The following TEX14 variants were observed in gnomAD, a reference collection of about 807,000 sequenced individuals.
The protein encoded by TEX14 is testis expressed 14, intercellular bridge forming factor.
A neutral mutation model predicts 178.6 loss-of-function variants in TEX14; 168 were observed. The observed-to-expected ratio is 0.94, with a 90% CI of 0.83 to 1.07. TEX14 has a LOEUF of 1.07. Ranked by LOEUF, TEX14 falls within the 50% of genes least tolerant of loss-of-function variation. TEX14 has a pLI of 0.00. For missense variants in TEX14, 1,730 were observed against 1,753.6 expected, an observed-to-expected ratio of 0.99 and a Z score of 0.24; for synonymous variants, 626 against 634.1, an observed-to-expected ratio of 0.99 and a Z score of 0.19.
chr17:58,568,405 T>C (rs1370804957), intron 26 of TEX14, among the ~76,000 whole-genome samples: 1 of 152,212 alleles, frequency 6.6e-6, no homozygotes, highest in African/African-American at 2.4e-5. Flanking sequence ...ACCTCCTCCT[T>C]TATGAAACCC....
In TEX14 at chr17:58,599,290, C is replaced by T. The variant is rs756079758; in HGVS notation, c.2055G>A (p.Glu685=). Reference sequence around the variant, plus strand: ...CCCAGTCATCAAAAGAGTACTCTGTCTCAGCTTTTGAAGAGCTCTCATCCT... The same window carrying T: ...CCCAGTCATCAAAAGAGTACTCTGTTTCAGCTTTTGAAGAGCTCTCATCCT... ...GSEDESSSKA[E]TEYSFDDWDW... Residue 685 remains glutamate (E), a synonymous_variant, in exon 14 of 32, where the codon GAG becomes GAA. Transcript: ENST00000349033. 1.1e-5 allele frequency: 17 copies of T among 1,613,290 alleles called. No individual in the cohort carries two copies. The highest frequency in any genetic ancestry group is 1.4e-5 in the Non-Finnish European group (17 of 1,180,036).
At chr17:58,579,902 A>C (rs991283545) in intron 19 of TEX14, among the ~76,000 whole-genome samples, 171 bp from the exon 20 acceptor site, 16 of 152,194 alleles carry the variant, frequency 1.1e-4, no homozygotes, top group African/African-American at 3.9e-4. Flanking sequence ...TATTTGTATC[A>C]TATGTCCTCT....
chr17:58,672,762 C>T (rs1176648377), intron 1 of TEX14, among the ~76,000 whole-genome samples: 2 of 151,288 alleles, frequency 1.3e-5, no homozygotes, highest in Non-Finnish European at 2.9e-5. Context: ...GATGGAGTCT[C>T]GCTCTGTCAC....
At chr17:58,566,578 C>G (rs1036999483) in intron 26 of TEX14, among the ~76,000 whole-genome samples, 2 of 151,864 alleles carry the variant, frequency 1.3e-5, no homozygotes, top group Admixed American at 6.6e-5. Context: ...GCAGGGGGAT[C>G]ACTTGAGGTC....
At chr17:58,678,215 G>A (rs1370147512) in intron 1 of TEX14, among the ~76,000 whole-genome samples, 1 of 152,144 alleles carries the variant, frequency 6.6e-6, no homozygotes, top group Admixed American at 6.5e-5. Flanking sequence ...ATCCAGATGG[G>A]CCTAATGTAA....
At chr17:58,613,396 A>G in intron 9 of TEX14, 25 bp downstream of exon 9, 1 of 1,613,404 alleles carries the variant, frequency 6.2e-7, no homozygotes, top group South Asian at 1.1e-5. Flanking sequence ...TCAGCAATGG[A>G]AAATCCACGG....
At position 58,571,771 on chromosome 17, in the gene TEX14, T is replaced by A. The variant is rs757363293; in HGVS notation, c.3717+150A>T. 3 of 644,330 alleles carry A rather than the reference T, an allele frequency of 4.7e-6. No homozygotes were observed. The East Asian group carries it at 8.1e-5, about 17-fold the overall frequency. 39.9% of individuals were successfully genotyped at this position (644,330 alleles called of 1,614,324 possible). A position where few individuals can be genotyped will look rare whatever the true frequency, so the allele number is the denominator to read the frequency against. Reference sequence around the variant, plus strand: ...AGCAAAACTTAAGCCTCCCATAATATAGACTCAAGAGAGGAGTCCCAGGCA... The same window carrying A: ...AGCAAAACTTAAGCCTCCCATAATAAAGACTCAAGAGAGGAGTCCCAGGCA... On this transcript the variant is annotated intron_variant, in intron 24 of 31. Transcript: ENST00000349033.
chr17:58,612,126 C>T lies in TEX14; in HGVS notation c.1006-787G>A, dbSNP rs2045759846. On this transcript the variant is annotated intron_variant, in intron 9 of 31. Transcript: ENST00000349033. ...CAAGCCAGGAAAGATGTCTCCCAAC[C>T]CCAAGGAAATTTGAGAGGTGAGAGG... is the stretch of plus-strand genomic sequence containing the variant. Among the ~76,000 whole-genome samples the T allele has an allele frequency of 2.0e-5, 3 of 152,178 alleles. No individual in the cohort carries two copies. In the South Asian group the frequency reaches 6.2e-4, roughly 32 times the overall value.
chr17:58,615,121 T>C (rs2045841642), intron 8 of TEX14, 111 bp downstream of exon 8: 1 of 644,310 alleles, frequency 1.6e-6, no homozygotes, highest in Admixed American at 2.7e-5. Context: ...CAGGAAATGC[T>C]GAGACTGAGA....
intron 2 of TEX14, among the ~76,000 whole-genome samples, chr17:58,632,679 A>G (rs1361408190): frequency 6.6e-6 from 1 of 152,214 alleles, no homozygotes; most frequent in Non-Finnish European, 1.5e-5. Context: ...CAGCTCACGC[A>G]CCTAGGTCAC....
chr17:58,623,825 G>C (rs2046065405), intron 3 of TEX14, among the ~76,000 whole-genome samples: 1 of 150,924 alleles, frequency 6.6e-6, no homozygotes, highest in African/African-American at 2.4e-5. Flanking sequence ...GGGAAGGGGA[G>C]GGGGAGGCAG....
chr17:58,560,756 A>G (rs2044257120), intron 29 of TEX14, among the ~76,000 whole-genome samples: 1 of 152,182 alleles, frequency 6.6e-6, no homozygotes, highest in Non-Finnish European at 1.5e-5. Flanking sequence ...GTGTTTGTTA[A>G]TATCCCTTTT....
At chr17:58,668,500 G>C (rs1312334798) in intron 1 of TEX14, among the ~76,000 whole-genome samples, 1 of 152,152 alleles carries the variant, frequency 6.6e-6, no homozygotes, top group African/African-American at 2.4e-5. Flanking sequence ...CCCACTGAAG[G>C]CTCAGGGTGC....
chr17:58,662,412 A>ATC lies in TEX14; in HGVS notation c.-1-10412_-1-10411dup, dbSNP rs200856008. On this transcript the variant is annotated intron_variant, in intron 1 of 31. Transcript: ENST00000349033. ...GTGTGTACAGATATATAGCACACATATCTCACACACACACACACACACACA... is the reference window on the plus strand; with the variant it reads ...GTGTGTACAGATATATAGCACACATATCTCTCACACACACACACACACACACA... Among the ~76,000 whole-genome samples the ATC allele has an allele frequency of 7.2e-3, 698 of 96,898 alleles. 7 individuals carry two copies. Among genetic ancestry groups the ATC allele is most frequent in the African/African-American group, 0.022 (651 of 29,440 alleles). 63.6% of individuals were successfully genotyped at this position (96,898 alleles called of 152,430 possible). A position where few individuals can be genotyped will look rare whatever the true frequency, so the allele number is the denominator to read the frequency against.
At chr17:58,664,420 G>T (rs2047172439) in intron 1 of TEX14, among the ~76,000 whole-genome samples, 1 of 152,068 alleles carries the variant, frequency 6.6e-6, no homozygotes, top group Non-Finnish European at 1.5e-5. Context: ...TCATATTCTT[G>T]AATTTCTTTG....
chr17:58,588,157 A>G, intron 15 of TEX14, 136 bp from the exon 16 acceptor site: 2 of 614,200 alleles, frequency 3.3e-6, no homozygotes, highest in Middle Eastern at 4.3e-4. Context: ...GCAGTTTCAC[A>G]AGACACAATC....
chr17:58,666,057 A>T (rs2143419327), intron 1 of TEX14, among the ~76,000 whole-genome samples: 1 of 152,074 alleles, frequency 6.6e-6, no homozygotes, highest in African/African-American at 2.4e-5. Flanking sequence ...AAAAAAAAAA[A>T]AAAAAATTGG....
intron 1 of TEX14, among the ~76,000 whole-genome samples, chr17:58,656,920 T>A (rs2046978716): frequency 2.7e-5 from 2 of 73,248 alleles, no homozygotes; most frequent in Non-Finnish European, 4.9e-5. Context: ...AAAACTCCCA[T>A]CTCACAAAAA....
At chr17:58,658,892 G>A (rs188078239) in intron 1 of TEX14, among the ~76,000 whole-genome samples, 2 of 152,052 alleles carry the variant, frequency 1.3e-5, no homozygotes, top group Admixed American at 1.3e-4. Flanking sequence ...GTCTCCATCT[G>A]GGATCAAATG....
Sources: allele counts gnomAD v4.1 joint callset (sites outside exome capture counted in the v4.1 genomes callset), GRCh38; gene constraint gnomAD v4.1.1; transcripts MANE v1.5; gene names NCBI Gene and HGNC (gene_info 2026-07-23, HGNC 2026-07-21).